Variants in SLC39A6 observed in about 807,000 individuals in gnomAD.
The protein encoded by SLC39A6 is zinc transporter ZIP6.
Under a neutral mutation model 63.5 loss-of-function variants are expected in SLC39A6, and 51 were observed. That is an observed-to-expected ratio of 0.80 (90% CI 0.64 to 1.01). SLC39A6 has a LOEUF of 1.01. Ranked by LOEUF, SLC39A6 falls within the 50% of genes least tolerant of loss-of-function variation. The pLI is 0.00. For synonymous variants in SLC39A6, 318 were observed against 324.7 expected (o/e 0.98, Z 0.22); for missense variants, 805 against 927.8 (o/e 0.87, Z 1.72).
intron 5 of SLC39A6, among the ~76,000 whole-genome samples, chr18:36,119,003 C>CAAT (rs1204313357): frequency 6.6e-6 from 1 of 152,118 alleles, no homozygotes; most frequent in African/African-American, 2.4e-5. Context: ...TCGGCATGAA[C>CAAT]AATAACCTTC....
At chr18:36,123,056 C>G (rs1009189537) in intron 4 of SLC39A6, among the ~76,000 whole-genome samples, 2 of 152,086 alleles carry the variant, frequency 1.3e-5, no homozygotes, top group African/African-American at 4.8e-5. Context: ...TTCACTTTAC[C>G]AAACTTGTTT....
chr18:36,117,849 G>A (rs2089359591), intron 5 of SLC39A6, among the ~76,000 whole-genome samples: 1 of 152,062 alleles, frequency 6.6e-6, no homozygotes, highest in South Asian at 2.1e-4. Flanking sequence ...GGCTAACATG[G>A]TGAAACCCCG....
rs540153154 is a variant in SLC39A6, at chr18:36,120,895, A to AT, written c.1359+1156dup. Among the ~76,000 whole-genome samples, 61 of 151,438 alleles carry AT rather than the reference A, an allele frequency of 4.0e-4. 1 individual carries two copies. Among genetic ancestry groups the AT allele is most frequent in the East Asian group, 9.7e-4 (5 of 5,166 alleles). On this transcript the variant is annotated intron_variant, in intron 5 of 9. Transcript: ENST00000269187. ...ATTACGTAAGGCTACCACTGAATAA[A>AT]TTTTTTTTTTAAATTTCCAAAACCT...
chr18:36,111,100 G>C lies in SLC39A6; in HGVS notation c.2074C>G (p.Leu692Val), dbSNP rs987694398. Residue 692 changes from leucine to valine, a missense_variant, in exon 9 of 10, where the codon CTT becomes GTT. By Grantham distance (32) the Leu-to-Val change is conservative. Around this residue, in one of 4 missense-constraint regions of SLC39A6, gnomAD observed 145 missense variants for 227.2 expected, o/e 0.64. Coordinates refer to ENST00000269187, the MANE Select transcript of SLC39A6 (RefSeq NM_012319.4). The part of the protein sequence containing the change: ...AENVSMWIFA[L>V]TAGLFMYVAL... ...ACATACATGAATAAGCCAGCAGTAAGTGCAAATATCCACATAGAAACATTT... is the reference window on the plus strand; with the variant it reads ...ACATACATGAATAAGCCAGCAGTAACTGCAAATATCCACATAGAAACATTT... 1 of 1,614,168 alleles carries C rather than the reference G, an allele frequency of 6.2e-7. No homozygotes were observed. The highest frequency in any genetic ancestry group is 1.3e-5 in the African/African-American group (1 of 75,050).
rs780704181 is a variant in SLC39A6, at chr18:36,124,530, T to C, written c.960A>G (p.Ser320=). 3.9e-6 allele frequency: 6 copies of C among 1,523,682 alleles called. No individual in the cohort carries two copies. The highest frequency in any genetic ancestry group is 1.3e-5 in the South Asian group (1 of 78,914). 94.4% of individuals were successfully genotyped at this position (1,523,682 alleles called of 1,614,324 possible). Residue 320 remains serine, a synonymous_variant, in exon 3 of 10, where the codon TCA becomes TCG. Transcript: ENST00000269187. ...AAAAGGCAATTTTACCTATTTGTAA[T>C]GAATAGGTCTTTGGAGGGATTTCAG... ...KKAEIPPKTY[S]LQIAWVGGFI... is the part of the protein sequence containing the mutation.
chr18:36,116,879 A>C, intron 5 of SLC39A6, 100 bp from the exon 6 acceptor site: 1 of 714,058 alleles, frequency 1.4e-6, no homozygotes, highest in South Asian at 1.8e-5. Flanking sequence ...GAATGCCCCC[A>C]CAGTCATCTA....
At position 36,126,886 on chromosome 18, in the gene SLC39A6, T is replaced by C. The variant is rs1411646236; in HGVS notation, c.122A>G (p.Glu41Gly). ...TGCCAAGTCAACATTAATGCCAGAT[T>C]CCCAATTCGGACTAATTTTCTCAGT... ...QTTEKISPNW[E>G]SGINVDLAIS... The change falls in exon 2 of 10, where the codon GAA (glutamate) becomes GGA (glycine). Residue 41 changes from glutamate to glycine, a missense_variant. Physicochemically the swap from Glu to Gly is moderately conservative, Grantham distance 98. Transcript: ENST00000269187. 5.6e-6 allele frequency: 9 copies of C among 1,614,104 alleles called. No homozygotes were observed. The highest frequency in any genetic ancestry group is 7.6e-6 in the Non-Finnish European group (9 of 1,180,044).
Position 36,124,930 on chromosome 18 carries a change from T to C in SLC39A6, c.790-230A>G, listed in dbSNP as rs17563291. Among the ~76,000 whole-genome samples, 329 of 152,242 alleles carry C rather than the reference T, an allele frequency of 2.2e-3. 2 individuals carry two copies. The highest frequency in any genetic ancestry group is 7.3e-3 in the African/African-American group (303 of 41,526). ...CATCAGAGAAGCAGTACATCACGAG[T>C]CACCTAGGGAGAAAGCCTCAGGTGG... On this transcript the variant is annotated intron_variant, in intron 2 of 9. Coordinates refer to ENST00000269187, the MANE Select transcript of SLC39A6 (RefSeq NM_012319.4).
intron 9 of SLC39A6, 78 bp downstream of exon 9, chr18:36,110,981 A>G: frequency 6.4e-7 from 1 of 1,565,276 alleles, no homozygotes; most frequent in Admixed American, 1.9e-5. Flanking sequence ...AAAAGAGAGA[A>G]AAAAAATGAG....
In SLC39A6 at chr18:36,122,199, G is replaced by A. The variant is rs3737466; in HGVS notation, c.1212C>T (p.Phe404=). The part of the protein sequence containing the change: ...PAMEMKRGPL[F]SHLSSQNIEE... ...CTATGTTTTGAGAAGACAGATGACT[G>A]AAAAGTGGTCCTCTTTTCATTTCCA... The change falls in exon 5 of 10, where the codon TTC becomes TTT. Residue 404 remains phenylalanine (F), a synonymous_variant. Coordinates refer to ENST00000269187, the MANE Select transcript of SLC39A6 (RefSeq NM_012319.4). 0.068 allele frequency: 110,276 copies of A among 1,613,866 alleles called. 4,289 individuals carry two copies. Among genetic ancestry groups the A allele is most frequent in the East Asian group, 0.16 (7,189 of 44,864 alleles).
At chr18:36,118,049 A>G (rs2144504427) in intron 5 of SLC39A6, among the ~76,000 whole-genome samples, 3 of 151,890 alleles carry the variant, frequency 2.0e-5, no homozygotes, top group Non-Finnish European at 4.4e-5. Context: ...AAAAAAAGGC[A>G]AACACACACA....
At chr18:36,122,492 C>A (rs1233574821) in intron 4 of SLC39A6, among the ~76,000 whole-genome samples, 2 of 152,102 alleles carry the variant, frequency 1.3e-5, no homozygotes, top group African/African-American at 2.4e-5. Context: ...TCCCAGTGAC[C>A]CCCATAATAT....
chr18:36,111,731 T>C (rs2089301748), intron 8 of SLC39A6, among the ~76,000 whole-genome samples: 1 of 152,218 alleles, frequency 6.6e-6, no homozygotes, highest in Non-Finnish European at 1.5e-5. Context: ...GTGATCCCCT[T>C]GCCCCGGCCT....
At chr18:36,114,004 C>G in intron 7 of SLC39A6, 93 bp downstream of exon 7, 3 of 1,448,440 alleles carry the variant, frequency 2.1e-6, no homozygotes, top group South Asian at 1.4e-5. Flanking sequence ...ATATCCTCAT[C>G]TAAACTAATC....
In SLC39A6 at chr18:36,114,368, T is replaced by A; in HGVS notation, c.1572A>T (p.Pro524=). 2 of 1,614,242 alleles carry A rather than the reference T, an allele frequency of 1.2e-6. No homozygotes were observed. The highest frequency in any genetic ancestry group is 3.3e-5 in the Admixed American group (2 of 60,024). The change falls in exon 7 of 10, where the codon CCA becomes CCT. Residue 524 remains proline (P), a synonymous_variant. Transcript: ENST00000269187. ...EEEVMIAHAH[P]QEVYNEYVPR... ...GTACATATTCATTGTAGACTTCCTG[T>A]GGATGAGCATGAGCTATCATGACCT...
chr18:36,113,707 C>T (rs1290498970), intron 7 of SLC39A6, among the ~76,000 whole-genome samples: 1 of 151,974 alleles, frequency 6.6e-6, no homozygotes, highest in East Asian at 1.9e-4. Context: ...ATGAAGATTC[C>T]TTTAGCATAA....
At chr18:36,114,794 C>T (rs1055605886) in intron 6 of SLC39A6, among the ~76,000 whole-genome samples, 1 of 152,016 alleles carries the variant, frequency 6.6e-6, no homozygotes, top group African/African-American at 2.4e-5. Flanking sequence ...AAGAGAAGAA[C>T]CTGCTTGTTT....
chr18:36,124,776 T>C (rs938869239), intron 2 of SLC39A6, 76 bp from the exon 3 acceptor site: 1 of 1,116,754 alleles, frequency 9.0e-7, no homozygotes, highest in Non-Finnish European at 1.2e-6. Flanking sequence ...TACCCTTTTT[T>C]ACTAATGCTA....
chr18:36,122,862 G>A (rs1395972834), intron 4 of SLC39A6, among the ~76,000 whole-genome samples: 1 of 152,198 alleles, frequency 6.6e-6, no homozygotes, highest in Admixed American at 6.5e-5. Context: ...CTGGTGGTCC[G>A]AGAGCTTGTC....
Sources: allele counts gnomAD v4.1 joint callset (sites outside exome capture counted in the v4.1 genomes callset), GRCh38; gene constraint gnomAD v4.1.1; regional missense constraint gnomAD v4.1.1; transcripts MANE v1.5; gene names NCBI Gene and HGNC (gene_info 2026-07-23, HGNC 2026-07-21).